Variants in PLEKHO2 observed in about 807,000 individuals in gnomAD.
The protein encoded by PLEKHO2 is pleckstrin homology domain containing O2.
Under a neutral mutation model 32.7 loss-of-function variants are expected in PLEKHO2, and 20 were observed. The observed-to-expected ratio is 0.61, with a 90% confidence interval of 0.43 to 0.89. PLEKHO2 has a LOEUF of 0.89. Among genes scored for constraint, PLEKHO2 ranks in the 40% least tolerant of loss-of-function variants. The pLI, the probability that PLEKHO2 is intolerant of heterozygous loss-of-function variation, is 0.00. For missense variants in PLEKHO2, 568 were observed against 621.2 expected, an observed-to-expected ratio of 0.91 and a Z score of 0.91; for synonymous variants, 247 against 246.3, an observed-to-expected ratio of 1.00 and a Z score of -0.03.
At position 64,855,481 on chromosome 15, in the gene PLEKHO2, C is replaced by T. The variant is rs561007313; in HGVS notation, c.279+444C>T. On this transcript the variant is annotated intron_variant, in intron 3 of 5. Transcript: ENST00000323544. ...GGGAGTGTGTGGCCTCCCTTCATCCCAGGCCTTTGTGGGTGGGCCCACCCT... is the reference window on the plus strand; with the variant it reads ...GGGAGTGTGTGGCCTCCCTTCATCCTAGGCCTTTGTGGGTGGGCCCACCCT... Among the ~76,000 whole-genome samples the T allele has an allele frequency of 4.9e-4, 75 of 152,316 alleles. 2 individuals carry two copies. In the South Asian group the frequency reaches 0.014, roughly 29 times the overall value.
In PLEKHO2 at chr15:64,851,622, G is replaced by A. The variant is rs200493321; in HGVS notation, c.162+2880G>A. Among the ~76,000 whole-genome samples the A allele has an allele frequency of 6.6e-5, 10 of 152,228 alleles. No homozygotes were observed. In the East Asian group the frequency reaches 1.9e-3, roughly 29 times the overall value. ...GCGAATGGCTCTTGGCTGTTTCTTT[G>A]CTGTCAGAGAGGCTGACATTCCAAA... On this transcript the variant is annotated intron_variant, in intron 2 of 5. Transcript: ENST00000323544.
At position 64,865,789 on chromosome 15, in the gene PLEKHO2, G is replaced by A; in HGVS notation, c.1374G>A (p.Leu458=). Reference sequence around the variant, plus strand: ...AGCTGAGGCAGGCCACCCAGGTCCTGCAGGAAATGAGAGATTTGGGAGAGC... The same window carrying A: ...AGCTGAGGCAGGCCACCCAGGTCCTACAGGAAATGAGAGATTTGGGAGAGC... ...VEQLRQATQV[L]QEMRDLGELS... is the part of the protein sequence containing the mutation. The change falls in exon 6 of 6, where the codon CTG becomes CTA. Residue 458 remains leucine (L), a synonymous_variant. Transcript: ENST00000323544. 1.2e-6 allele frequency: 2 copies of A among 1,614,032 alleles called. No individual in the cohort carries two copies. The highest frequency in any genetic ancestry group is 1.7e-6 in the Non-Finnish European group (2 of 1,180,022).
intron 4 of PLEKHO2, 46 bp downstream of exon 4, chr15:64,860,044 C>T (rs778142977): frequency 4.8e-5 from 75 of 1,550,120 alleles, no homozygotes; most frequent in Non-Finnish European, 6.1e-5. Flanking sequence ...TCTCCTTTCC[C>T]ACTGCGTGTG....
At chr15:64,858,883 C>T (rs2084623697) in intron 3 of PLEKHO2, among the ~76,000 whole-genome samples, 1 of 152,174 alleles carries the variant, frequency 6.6e-6, no homozygotes, top group African/African-American at 2.4e-5. Flanking sequence ...AACTCTCCAT[C>T]GTGTAAAACT....
chr15:64,857,956 T>G (rs1475002703), intron 3 of PLEKHO2, among the ~76,000 whole-genome samples: 1 of 152,218 alleles, frequency 6.6e-6, no homozygotes. Context: ...TCAAGCTCCC[T>G]GGATGCTAAA....
intron 2 of PLEKHO2, among the ~76,000 whole-genome samples, chr15:64,854,388 G>A (rs766509354): frequency 7.2e-5 from 11 of 152,168 alleles, no homozygotes; most frequent in South Asian, 2.1e-4. Flanking sequence ...CCAGGGCTCC[G>A]CAGGGGGTGA....
At position 64,865,545 on chromosome 15, in the gene PLEKHO2, C is replaced by G; in HGVS notation, c.1130C>G (p.Pro377Arg). The part of the protein sequence containing the change: ...KDATTSTALP[P>R]WDLPPQFHPR... ...GCAACAACATCCACAGCACTGCCCC[C>G]CTGGGACCTGCCACCTCAGTTCCAT... Residue 377 changes from proline to arginine, a missense_variant, in exon 6 of 6, where the codon CCC becomes CGC. By Grantham distance (103) the Pro-to-Arg change is moderately radical. Coordinates refer to ENST00000323544, the MANE Select transcript of PLEKHO2 (RefSeq NM_025201.5). 6.2e-7 allele frequency: 1 copy of G among 1,614,156 alleles called. No individual in the cohort carries two copies. Among genetic ancestry groups the G allele is most frequent in the Non-Finnish European group, 8.5e-7 (1 of 1,180,018 alleles).
intron 2 of PLEKHO2, among the ~76,000 whole-genome samples, chr15:64,848,982 TC>T (rs1311694106): frequency 1.3e-5 from 2 of 152,142 alleles, no homozygotes; most frequent in Non-Finnish European, 2.9e-5. Context: ...TAAACTTAAT[TC>T]TTTTTTTTTT....
In PLEKHO2 at chr15:64,854,981, C is replaced by A; in HGVS notation, c.223C>A (p.Arg75Ser). Reference sequence around the variant, plus strand: ...CAGCTATGAGAAGTGCCAGGACCTTCGTGCCCTCCTCAAGCGAAAACACCG... The same window carrying A: ...CAGCTATGAGAAGTGCCAGGACCTTAGTGCCCTCCTCAAGCGAAAACACCG... ...LGSYEKCQDLRALLKRKHRFI... is the reference protein window; with the variant it reads ...LGSYEKCQDLSALLKRKHRFI... Residue 75 changes from arginine to serine, a missense_variant, in exon 3 of 6, where the codon CGT (arginine) becomes AGT (serine). Arg to Ser is a moderately radical substitution (Grantham distance 110, BLOSUM62 -1). Transcript: ENST00000323544. 2 of 1,609,424 alleles carry A rather than the reference C, an allele frequency of 1.2e-6. No homozygotes were observed. The highest frequency in any genetic ancestry group is 1.7e-6 in the Non-Finnish European group (2 of 1,178,030).
Position 64,865,367 on chromosome 15 carries a change from T to C in PLEKHO2, c.952T>C (p.Ser318Pro). Reference protein sequence around the residue: ...KPPTPPPKILSEKLKASMGEM... With the variant: ...KPPTPPPKILPEKLKASMGEM... The stretch of plus-strand genomic sequence containing the variant: ...CCCTACACCCCCACCCAAGATCTTA[T>C]CAGAGAAACTGAAAGCCTCCATGGG... The change falls in exon 6 of 6, where the codon TCA becomes CCA. Residue 318 changes from serine to proline, a missense_variant. Transcript: ENST00000323544. The C allele has an allele frequency of 6.2e-7, 1 of 1,613,678 alleles. No individual in the cohort carries two copies.
chr15:64,854,893 C>A (rs2084595422), intron 2 of PLEKHO2, 28 bp from the exon 3 acceptor site: 1 of 1,573,624 alleles, frequency 6.4e-7, no homozygotes, highest in Non-Finnish European at 8.7e-7. Flanking sequence ...CTGTCACCAG[C>A]TCATGTCCCT....
rs1416348672 is a variant in PLEKHO2 at position 64,861,526 on chromosome 15, T to G, written c.434T>G (p.Val145Gly). The G allele has an allele frequency of 2.5e-6, 4 of 1,608,926 alleles. No individual in the cohort carries two copies. Among genetic ancestry groups the G allele is most frequent in the Non-Finnish European group, 3.4e-6 (4 of 1,178,200 alleles). The part of the protein sequence containing the change: ...CALEHVTRDR[V>G]RGGQRRRPPT... ...CTGGAGCATGTGACACGGGACCGGG[T>G]GCGAGGGGGCCAGCGACGCCGGCCA... The change falls in exon 5 of 6, where the codon GTG (valine) becomes GGG (glycine). Residue 145 changes from valine to glycine, a missense_variant. Transcript: ENST00000323544.
rs201641710 is a variant in PLEKHO2 at position 64,865,596 on chromosome 15, T to A, written c.1181T>A (p.Leu394Ter). 1.9e-6 allele frequency: 3 copies of A among 1,614,236 alleles called. No individual in the cohort carries two copies. In the East Asian group the frequency reaches 6.7e-5, roughly 36 times the overall value. Reference protein sequence around the residue: ...FHPRCSSLGDLLGEGPRHPLQ... With the variant: ...FHPRCSSLGD ...CCCCGCTGCTCCTCCCTTGGGGACT[T>A]GCTTGGGGAAGGCCCGCGGCATCCC... is the stretch of plus-strand genomic sequence containing the variant. The change falls in exon 6 of 6, where the codon TTG becomes TAG. Residue 394 changes from leucine (L) to a stop codon, truncating the protein, a stop_gained. Transcript: ENST00000323544. LOFTEE classifies it high-confidence loss of function.
At chr15:64,857,704 G>A (rs1468858168) in intron 3 of PLEKHO2, among the ~76,000 whole-genome samples, 2 of 152,144 alleles carry the variant, frequency 1.3e-5, no homozygotes, top group Non-Finnish European at 2.9e-5. Context: ...TTGCACAATA[G>A]GTCTTCTCTG....
At position 64,855,371 on chromosome 15, in the gene PLEKHO2, G is replaced by T. The variant is rs547790440; in HGVS notation, c.279+334G>T. ...CTTGGCTGTACCCCAGACCCTGGGG[G>T]AGGCCCAGGGCTGAGGCAGGAGAGC... On this transcript the variant is annotated intron_variant, in intron 3 of 5. Transcript: ENST00000323544. 3.3e-5 allele frequency among the ~76,000 whole-genome samples: 5 copies of T among 152,330 alleles called. No homozygotes were observed. In the East Asian group the frequency reaches 7.7e-4, roughly 24 times the overall value.
chr15:64,857,067 C>T (rs922062673), intron 3 of PLEKHO2, among the ~76,000 whole-genome samples: 39 of 152,252 alleles, frequency 2.6e-4, no homozygotes, highest in Admixed American at 2.0e-3. Context: ...AGCAGGGTGG[C>T]CACTGCTGGG....
rs1014136753 is a variant in PLEKHO2, at chr15:64,866,176, G to C, written c.*288G>C. 3 of 522,932 alleles carry C rather than the reference G, an allele frequency of 5.7e-6. No homozygotes were observed. Among genetic ancestry groups the C allele is most frequent in the African/African-American group, 3.8e-5 (2 of 52,306 alleles). 32.4% of individuals were successfully genotyped at this position (522,932 alleles called of 1,614,324 possible). On this transcript the variant is annotated 3_prime_UTR_variant, in exon 6 of 6. Transcript: ENST00000323544. ...CTGGGACCTATGTGTTTGTGTGGTC[G>C]TTCCAAACTGCCCCAGGGCTTTGGG...
Position 64,842,380 on chromosome 15 carries a change from CTCTCTCTCTCTGTGTG to C in PLEKHO2, c.12+354_12+369del, listed in dbSNP as rs1395449997. Among the ~76,000 whole-genome samples the C allele has an allele frequency of 1.3e-3, 42 of 33,084 alleles. 2 individuals carry two copies. Among genetic ancestry groups the C allele is most frequent in the African/African-American group, 2.0e-3 (32 of 15,962 alleles). 21.7% of individuals were successfully genotyped at this position (33,084 alleles called of 152,430 possible). A position where few individuals can be genotyped will look rare whatever the true frequency, so the allele number is the denominator to read the frequency against. ...ATTACCGTGGTCGGATCCTGACTCT[CTCTCTCTCTCTGTGTG>C]TGTGTGTGTGTGTGTGTGTGTGTGT... On this transcript the variant is annotated intron_variant, in intron 1 of 5. Coordinates refer to ENST00000323544, the MANE Select transcript of PLEKHO2 (RefSeq NM_025201.5).
chr15:64,855,462 G>A (rs1451834356), intron 3 of PLEKHO2, among the ~76,000 whole-genome samples: 2 of 152,216 alleles, frequency 1.3e-5, no homozygotes, highest in African/African-American at 4.8e-5. Flanking sequence ...GAGGGGGAGT[G>A]TGTGGCCTCC....
Sources: gnomAD v4.1 joint callset for allele counts (sites outside exome capture counted in the v4.1 genomes callset) on GRCh38, gnomAD v4.1.1 for gene constraint, MANE v1.5 for transcripts, NCBI Gene and HGNC (gene_info 2026-07-23, HGNC 2026-07-21) for gene names.